WFIKKN2: variants seen among roughly 807,000 people sequenced by gnomAD.
The protein encoded by WFIKKN2 is WAP, Kazal, immunoglobulin, Kunitz and NTR domain-containing protein 2.
In WFIKKN2, 25 loss-of-function variants were observed where a neutral mutation model predicts 39.2. That is an observed-to-expected ratio of 0.64 (90% CI 0.47 to 0.89). The LOEUF is 0.89. Among genes scored for constraint, WFIKKN2 ranks in the 40% least tolerant of loss-of-function variants. WFIKKN2 has a pLI of 0.00. For synonymous variants in WFIKKN2, 345 were observed against 329.7 expected, an observed-to-expected ratio of 1.05 and a Z score of -0.50; for missense variants, 770 against 811.7, an observed-to-expected ratio of 0.95 and a Z score of 0.62.
Position 50,839,948 on chromosome 17 carries a change from G to A in WFIKKN2, c.660G>A (p.Ser220=), listed in dbSNP as rs764929256. ...PALLNNPVHQ[S]VTMGETVSFL... ...TGCTCAACAACCCTGTGCACCAGTC[G>A]GTCACCATGGGTGAGACAGTGAGCT... The change falls in exon 2 of 2, where the codon TCG becomes TCA. Residue 220 remains serine, a synonymous_variant. Coordinates refer to ENST00000311378, the MANE Select transcript of WFIKKN2 (RefSeq NM_175575.6). 1.2e-5 allele frequency: 20 copies of A among 1,614,014 alleles called. No homozygotes were observed. The highest frequency in any genetic ancestry group is 4.4e-5 in the South Asian group (4 of 91,086).
At chr17:50,839,472 T>C (rs1265226481) in intron 1 of WFIKKN2, 27 bp from the exon 2 acceptor site, 1 of 1,591,352 alleles carries the variant, frequency 6.3e-7, no homozygotes, top group Non-Finnish European at 8.6e-7. Flanking sequence ...TTCTCCCTGT[T>C]CAGGCCACTC....
In WFIKKN2 at chr17:50,841,021, GCCC is replaced by G; in HGVS notation, c.*6_*8del. ...AAGGAGTTTCTTGGCTTGCACTGAA[GCCC>G]CCCACCCCTCCCTGCCCCCTCCCTG... On this transcript the variant is annotated 3_prime_UTR_variant, in exon 2 of 2. Transcript: ENST00000311378. 1 of 1,525,194 alleles carries G rather than the reference GCCC, an allele frequency of 6.6e-7. No individual in the cohort carries two copies. Among genetic ancestry groups the G allele is most frequent in the Non-Finnish European group, 8.8e-7 (1 of 1,136,184 alleles). 94.5% of individuals were successfully genotyped at this position (1,525,194 alleles called of 1,614,324 possible).
At position 50,840,149 on chromosome 17, in the gene WFIKKN2, C is replaced by T. The variant is rs1159180064; in HGVS notation, c.861C>T (p.Cys287=). The stretch of plus-strand genomic sequence containing the variant: ...TGCAGGATGCTGGGATCTACACCTG[C>T]ACGGCCCGGAACGTGGCTGGGGTCC... The part of the protein sequence containing the change: ...AQLQDAGIYT[C]TARNVAGVLR... The change falls in exon 2 of 2, where the codon TGC becomes TGT. Residue 287 remains cysteine, a synonymous_variant. Transcript: ENST00000311378. 6.2e-7 allele frequency: 1 copy of T among 1,613,952 alleles called. No individual in the cohort carries two copies. The highest frequency in any genetic ancestry group is 8.5e-7 in the Non-Finnish European group (1 of 1,180,036).
At position 50,840,226 on chromosome 17, in the gene WFIKKN2, C is replaced by T; in HGVS notation, c.938C>T (p.Thr313Ile). The T allele has an allele frequency of 6.2e-7, 1 of 1,614,008 alleles. No homozygotes were observed. Among genetic ancestry groups the T allele is most frequent in the Non-Finnish European group, 8.5e-7 (1 of 1,180,022 alleles). The stretch of plus-strand genomic sequence containing the variant: ...GTCAGGGGTCATCAGGCTGCAGCCA[C>T]CTCAGAGAGCAGCCCCAATGGCACG... ...SVVRGHQAAA[T>I]SESSPNGTAF... The change falls in exon 2 of 2, where the codon ACC becomes ATC. Residue 313 changes from threonine (T) to isoleucine (I), a missense_variant. By Grantham distance (89) the Thr-to-Ile change is moderately conservative. Transcript: ENST00000311378.
chr17:50,837,235 C>T (rs887470473), intron 1 of WFIKKN2, among the ~76,000 whole-genome samples: 2 of 152,168 alleles, frequency 1.3e-5, no homozygotes, highest in African/African-American at 4.8e-5. Flanking sequence ...GCTTTGATTG[C>T]ATTGGACTCC....
chr17:50,834,948 T>C (rs577258936), upstream of WFIKKN2: 1 of 151,026 alleles, frequency 6.6e-6, no homozygotes, highest in African/African-American at 2.4e-5. Flanking sequence ...TGAGACACTG[T>C]GACCGCGGAG....
intron 1 of WFIKKN2, among the ~76,000 whole-genome samples, chr17:50,837,504 G>A (rs1006249356): frequency 1.3e-5 from 2 of 152,228 alleles, no homozygotes; most frequent in African/African-American, 2.4e-5. Context: ...CAGGCTGTGG[G>A]ACCTACACCT....
chr17:50,840,203 C>T lies in WFIKKN2; in HGVS notation c.915C>T (p.Val305=). The change falls in exon 2 of 2, where the codon GTC becomes GTT. Residue 305 remains valine, a synonymous_variant. Transcript: ENST00000311378. ...VLRADFPLSV[V]RGHQAAATSE... is the part of the protein sequence containing the mutation. ...GGGCTGATTTCCCGCTGTCGGTGGT[C>T]AGGGGTCATCAGGCTGCAGCCACCT... The T allele has an allele frequency of 6.2e-7, 1 of 1,613,812 alleles. No homozygotes were observed.
Position 50,841,188 on chromosome 17 carries a change from T to C in WFIKKN2, c.*169T>C. 1 of 625,274 alleles carries C rather than the reference T, an allele frequency of 1.6e-6. No individual in the cohort carries two copies. The allele number at this position is 625,274 out of a possible 1,614,324, so 38.7% of individuals were successfully genotyped here. ...AAGGTCTCAGATCAGCATCTATTCT[T>C]TGGGTTCAATAAGGGGTTCATATCT... On this transcript the variant is annotated 3_prime_UTR_variant, in exon 2 of 2. Transcript: ENST00000311378.
chr17:50,836,994 TC>T (rs368199936), intron 1 of WFIKKN2, among the ~76,000 whole-genome samples: 93 of 152,296 alleles, frequency 6.1e-4, no homozygotes, highest in African/African-American at 2.1e-3. Context: ...GGGAGCGATG[TC>T]CCAGTTCATC....
In WFIKKN2 at chr17:50,839,916, C is replaced by A. The variant is rs748574704; in HGVS notation, c.628C>A (p.Pro210Thr). 1 of 1,614,206 alleles carries A rather than the reference C, an allele frequency of 6.2e-7. No individual in the cohort carries two copies. The highest frequency in any genetic ancestry group is 1.3e-5 in the African/African-American group (1 of 75,062). Reference sequence around the variant, plus strand: ...GACCCCTGAGCTGGACATGGCGGCCCCTGCGCTGCTCAACAACCCTGTGCA... The same window carrying A: ...GACCCCTGAGCTGGACATGGCGGCCACTGCGCTGCTCAACAACCCTGTGCA... ...PETPELDMAA[P>T]ALLNNPVHQS... The change falls in exon 2 of 2, where the codon CCT becomes ACT. Residue 210 changes from proline (P) to threonine (T), a missense_variant. Pro to Thr is a conservative substitution (Grantham distance 38). Coordinates refer to ENST00000311378, the MANE Select transcript of WFIKKN2 (RefSeq NM_175575.6).
Position 50,841,771 on chromosome 17 carries a change from G to C in WFIKKN2, c.*752G>C, listed in dbSNP as rs1048110209. 15 of 152,252 alleles carry C rather than the reference G, an allele frequency of 9.9e-5. No individual in the cohort carries two copies. The highest frequency in any genetic ancestry group is 3.6e-4 in the African/African-American group (15 of 41,498). The allele number at this position is 152,252 out of a possible 1,614,324, so 9.4% of individuals were successfully genotyped here. On this transcript the variant is annotated 3_prime_UTR_variant, in exon 2 of 2. Coordinates refer to ENST00000311378, the MANE Select transcript of WFIKKN2 (RefSeq NM_175575.6). ...ACAGAGAGATGTTAGTCACTGCCCAGTTCTTAGAGCCCCAACACAGATACC... is the reference window on the plus strand; with the variant it reads ...ACAGAGAGATGTTAGTCACTGCCCACTTCTTAGAGCCCCAACACAGATACC...
chr17:50,841,014 C>T lies in WFIKKN2; in HGVS notation c.1726C>T (p.His576Tyr), dbSNP rs763183840. ...CDVLKEFLGLH is the reference protein window; with the variant it reads ...CDVLKEFLGLY Reference sequence around the variant, plus strand: ...CGTCCTCAAGGAGTTTCTTGGCTTGCACTGAAGCCCCCCACCCCTCCCTGC... The same window carrying T: ...CGTCCTCAAGGAGTTTCTTGGCTTGTACTGAAGCCCCCCACCCCTCCCTGC... Residue 576 changes from histidine to tyrosine, a missense_variant, in exon 2 of 2, where the codon CAC becomes TAC. By Grantham distance (83) the His-to-Tyr change is moderately conservative (BLOSUM62 2). Coordinates refer to ENST00000311378, the MANE Select transcript of WFIKKN2 (RefSeq NM_175575.6). The T allele has an allele frequency of 2.0e-6, 3 of 1,529,236 alleles. No individual in the cohort carries two copies. The highest frequency in any genetic ancestry group is 2.8e-5 in the African/African-American group (2 of 72,434). 94.7% of individuals were successfully genotyped at this position (1,529,236 alleles called of 1,614,324 possible). A position where few individuals can be genotyped will look rare whatever the true frequency, so the allele number is the denominator to read the frequency against.
rs140367331 is a variant in WFIKKN2 at position 50,836,049 on chromosome 17, A to G, written c.112A>G (p.Ile38Val). ...CCCGCGAAGCCTGGCGCTGCCGCCC[A>G]TCCGCTATTCCCACGCCGGCATCTG... Reference protein sequence around the residue: ...VPPRSLALPPIRYSHAGICPN... With the variant: ...VPPRSLALPPVRYSHAGICPN... The change falls in exon 1 of 2, where the codon ATC becomes GTC. Residue 38 changes from isoleucine to valine, a missense_variant. Transcript: ENST00000311378. 2.4e-3 allele frequency: 3,888 copies of G among 1,604,616 alleles called. 4 individuals are homozygous for G. The highest frequency in any genetic ancestry group is 3.0e-3 in the Non-Finnish European group (3,489 of 1,175,868).
At chr17:50,839,466 C>G in intron 1 of WFIKKN2, 33 bp from the exon 2 acceptor site, 9 of 1,579,368 alleles carry the variant, frequency 5.7e-6, no homozygotes, top group Non-Finnish European at 7.8e-6. Context: ...TCCTCCTTCT[C>G]CCTGTTCAGG....
At chr17:50,834,759 C>G (rs1446342460), upstream of WFIKKN2, 1 of 152,326 alleles carries the variant, frequency 6.6e-6, no homozygotes, top group East Asian at 1.9e-4. Context: ...CATCTGGCAG[C>G]TGGTACCACC....
rs755983785 is a variant in WFIKKN2, at chr17:50,839,814, C to T, written c.526C>T (p.Arg176Cys). 28 of 1,614,098 alleles carry T rather than the reference C, an allele frequency of 1.7e-5. No homozygotes were observed. Among genetic ancestry groups the T allele is most frequent in the African/African-American group, 4.0e-5 (3 of 74,944 alleles). Residue 176 changes from arginine (R) to cysteine (C), a missense_variant, in exon 2 of 2, where the codon CGC becomes TGC. Physicochemically the swap from Arg to Cys is radical, Grantham distance 180. Coordinates refer to ENST00000311378, the MANE Select transcript of WFIKKN2 (RefSeq NM_175575.6). ...KGITLAVVTC[R>C]YHFTWPNTSP... The stretch of plus-strand genomic sequence containing the variant: ...CATCACACTGGCCGTTGTAACCTGC[C>T]GCTATCACTTCACCTGGCCCAACAC...
intron 1 of WFIKKN2, among the ~76,000 whole-genome samples, chr17:50,836,442 A>C (rs1299587776): frequency 6.6e-6 from 1 of 151,308 alleles, no homozygotes; most frequent in Non-Finnish European, 1.5e-5. Flanking sequence ...GAGGTTGACC[A>C]GGTGAGTGGG....
chr17:50,838,003 C>T (rs943068888), intron 1 of WFIKKN2, among the ~76,000 whole-genome samples: 7 of 152,116 alleles, frequency 4.6e-5, no homozygotes, highest in Non-Finnish European at 1.0e-4. Context: ...CTAAGGACCC[C>T]CTGTAGGTTC....
Sources: allele counts gnomAD v4.1 joint callset (sites outside exome capture counted in the v4.1 genomes callset), GRCh38; gene constraint gnomAD v4.1.1; transcripts MANE v1.5; gene names NCBI Gene and HGNC (gene_info 2026-07-23, HGNC 2026-07-21).